KNL1: variants seen among roughly 807,000 people sequenced by gnomAD.
KNL1 encodes outer kinetochore KNL1 complex subunit KNL1.
Under a neutral mutation model 201.3 loss-of-function variants are expected in KNL1, and 66 were observed. That is an observed-to-expected ratio of 0.33 (90% CI 0.27 to 0.40). The LOEUF is 0.40. Ranked by LOEUF, KNL1 falls within the 10% of genes least tolerant of loss-of-function variation. The pLI is 1.00. For synonymous variants in KNL1, 895 were observed against 899.2 expected, an observed-to-expected ratio of 1.00 and a Z score of 0.08; for missense variants, 2,815 against 2,690.5, an observed-to-expected ratio of 1.05 and a Z score of -1.02.
intron 25 of KNL1, among the ~76,000 whole-genome samples, chr15:40,661,464 C>G (rs1190661462): frequency 6.6e-6 from 1 of 152,114 alleles, no homozygotes; most frequent in Non-Finnish European, 1.5e-5. Flanking sequence ...TAACTGCACT[C>G]CAACCTGGGC....
chr15:40,609,076 A>G (rs1461222324), intron 5 of KNL1, among the ~76,000 whole-genome samples, 168 bp downstream of exon 5: 1 of 152,078 alleles, frequency 6.6e-6, no homozygotes, highest in Non-Finnish European at 1.5e-5. Flanking sequence ...TTCCCTCTAA[A>G]GTCAGGAACA....
At chr15:40,650,887 A>G (rs572850216) in intron 19 of KNL1, among the ~76,000 whole-genome samples, 5 of 152,334 alleles carry the variant, frequency 3.3e-5, no homozygotes, top group East Asian at 1.9e-4. Context: ...TCTTAGGCCT[A>G]TGAATCTTAT....
In KNL1 at chr15:40,625,353, G is replaced by A. The variant is rs773537195; in HGVS notation, c.5089G>A (p.Gly1697Arg). The change falls in exon 10 of 26, where the codon GGA (glycine) becomes AGA (arginine). Residue 1697 changes from glycine (G) to arginine (R), a missense_variant. Physicochemically the swap from Gly to Arg is moderately radical, Grantham distance 125. Around this residue, in one of 3 missense-constraint regions of KNL1, gnomAD observed 2,464 missense variants for 2,291.7 expected, o/e 1.08. Transcript: ENST00000399668. ...QPVSSKDSGI[G>R]SVAGKLNLSP... Reference sequence around the variant, plus strand: ...GGTCTCTAGCAAAGATTCAGGCATTGGATCTGTTGCAGGTAAACTGAACCT... The same window carrying A: ...GGTCTCTAGCAAAGATTCAGGCATTAGATCTGTTGCAGGTAAACTGAACCT... The A allele has an allele frequency of 1.2e-6, 2 of 1,614,064 alleles. No individual in the cohort carries two copies. The highest frequency in any genetic ancestry group is 2.2e-5 in the South Asian group (2 of 91,080).
intron 2 of KNL1, 146 bp from the exon 3 acceptor site, chr15:40,604,964 A>C: frequency 1.8e-6 from 1 of 561,424 alleles, no homozygotes; most frequent in Non-Finnish European, 3.3e-6. Context: ...AACTGAATTT[A>C]AAGTCTTGTA....
At chr15:40,618,131 A>G (rs1031984082) in intron 8 of KNL1, among the ~76,000 whole-genome samples, 1 of 151,532 alleles carries the variant, frequency 6.6e-6, no homozygotes, top group Admixed American at 6.6e-5. Flanking sequence ...CTGTTTTAAT[A>G]TAGCCTTTTG....
intron 17 of KNL1, among the ~76,000 whole-genome samples, chr15:40,647,623 A>G (rs1893433024): frequency 1.3e-5 from 2 of 152,154 alleles, no homozygotes; most frequent in Admixed American, 6.6e-5. Flanking sequence ...TCTCAGTTTG[A>G]AAACCGTCTA....
intron 16 of KNL1, chr15:40,646,752 G>C: frequency 3.8e-6 from 1 of 261,702 alleles, no homozygotes; most frequent in South Asian, 5.7e-5. Flanking sequence ...AGCTAATCAG[G>C]AGGCTGAGGC....
Position 40,594,411 on chromosome 15 carries a change from T to C in KNL1, c.-18+19T>C, listed in dbSNP as rs973234088. 42 of 152,360 alleles carry C rather than the reference T, an allele frequency of 2.8e-4. No individual in the cohort carries two copies. Among genetic ancestry groups the C allele is most frequent in the African/African-American group, 9.1e-4 (38 of 41,572 alleles). 9.4% of individuals were successfully genotyped at this position (152,360 alleles called of 1,614,324 possible). ...GCGGCAGGTAAAGAGAATGACTCTT[T>C]CGTTCTGGGCTTCAGGGAAGGCTTC... On this transcript the variant is annotated intron_variant, in intron 1 of 25. Coordinates refer to ENST00000399668, the MANE Select transcript of KNL1 (RefSeq NM_144508.5).
intron 7 of KNL1, among the ~76,000 whole-genome samples, chr15:40,614,747 G>T (rs148998907): frequency 6.6e-6 from 1 of 152,042 alleles, no homozygotes; most frequent in African/African-American, 2.4e-5. Flanking sequence ...CTCTTGTATG[G>T]CTGCACCAAC....
chr15:40,601,044 C>G (rs1418552000), intron 1 of KNL1, among the ~76,000 whole-genome samples: 5 of 152,196 alleles, frequency 3.3e-5, no homozygotes, highest in Non-Finnish European at 7.3e-5. Context: ...GTCCCCAACC[C>G]CCTGGGCCGT....
chr15:40,650,249 C>A, intron 17 of KNL1, 52 bp from the exon 18 acceptor site: 1 of 1,115,866 alleles, frequency 9.0e-7, no homozygotes, highest in Non-Finnish European at 1.3e-6. Flanking sequence ...ACTTTGTTTT[C>A]TTTTTTTACT....
In KNL1 at chr15:40,624,141, A is replaced by G; in HGVS notation, c.3877A>G (p.Thr1293Ala). 1 of 1,614,056 alleles carries G rather than the reference A, an allele frequency of 6.2e-7. No homozygotes were observed. The highest frequency in any genetic ancestry group is 8.5e-7 in the Non-Finnish European group (1 of 1,179,948). Residue 1293 changes from threonine to alanine, a missense_variant, in exon 10 of 26, where the codon ACT becomes GCT. Physicochemically the swap from Thr to Ala is moderately conservative, Grantham distance 58. This residue lies in a region of KNL1 where 2,464 missense variants were observed against 2,291.7 expected (regional missense o/e 1.08). Coordinates refer to ENST00000399668, the MANE Select transcript of KNL1 (RefSeq NM_144508.5). Reference sequence around the variant, plus strand: ...TGTGGACTTTACAAGTAGTCATGCAACTGCTGTTTGTGGATCCAGTGATAA... The same window carrying G: ...TGTGGACTTTACAAGTAGTCATGCAGCTGCTGTTTGTGGATCCAGTGATAA... The part of the protein sequence containing the change: ...RNVDFTSSHA[T>A]AVCGSSDNYS...
At position 40,660,379 on chromosome 15, in the gene KNL1, A is replaced by G. The variant is rs897695217; in HGVS notation, c.6836+918A>G. Among the ~76,000 whole-genome samples the G allele has an allele frequency of 7.2e-5, 11 of 152,166 alleles. No homozygotes were observed. The East Asian group carries it at 2.1e-3, about 30-fold the overall frequency. ...AAACAACTTTTATGGCCTTAAAAAC[A>G]GAGTCAGCCGGGCACAGTTGCTCAC... On this transcript the variant is annotated intron_variant, in intron 25 of 25. Transcript: ENST00000399668.
chr15:40,596,086 C>T (rs891137288), intron 1 of KNL1, among the ~76,000 whole-genome samples: 15 of 152,074 alleles, frequency 9.9e-5, no homozygotes, highest in Admixed American at 9.2e-4. Flanking sequence ...TGAGGACCTA[C>T]GGATTATTTA....
chr15:40,612,435 T>C (rs1034322994), intron 7 of KNL1, among the ~76,000 whole-genome samples: 2 of 147,870 alleles, frequency 1.4e-5, no homozygotes, highest in Admixed American at 1.4e-4. Flanking sequence ...GAGGTTGCAG[T>C]GAGCTGAGAT....
At chr15:40,661,096 G>T (rs551827816) in intron 25 of KNL1, among the ~76,000 whole-genome samples, 5 of 152,014 alleles carry the variant, frequency 3.3e-5, no homozygotes, top group Admixed American at 6.6e-5. Flanking sequence ...CACCTAGGCC[G>T]GGCATGGTGG....
chr15:40,618,123 G>A (rs1892404413), intron 8 of KNL1, among the ~76,000 whole-genome samples: 1 of 148,692 alleles, frequency 6.7e-6, no homozygotes, highest in Admixed American at 6.8e-5. Context: ...TGTATTTCCT[G>A]TTTTAATATA....
At chr15:40,639,179 G>C (rs189358532) in intron 13 of KNL1, among the ~76,000 whole-genome samples, 58 of 149,176 alleles carry the variant, frequency 3.9e-4, no homozygotes, top group African/African-American at 1.3e-3. Flanking sequence ...TTTTGGCTGG[G>C]TGCAGTGGCT....
intron 4 of KNL1, among the ~76,000 whole-genome samples, chr15:40,607,262 T>G (rs1409605931): frequency 6.6e-6 from 1 of 152,226 alleles, no homozygotes; most frequent in Non-Finnish European, 1.5e-5. Flanking sequence ...AGAAAGCACA[T>G]CTCACACATG....
Sources: gnomAD v4.1 joint callset for allele counts (sites outside exome capture counted in the v4.1 genomes callset) on GRCh38, gnomAD v4.1.1 for gene constraint, gnomAD v4.1.1 regional missense constraint, MANE v1.5 for transcripts, NCBI Gene and HGNC (gene_info 2026-07-23, HGNC 2026-07-21) for gene names.